Variants in GJA3 observed in about 807,000 individuals in gnomAD.
GJA3 encodes gap junction protein alpha 3.
For synonymous variants in GJA3, 297 were observed against 292.6 expected (o/e 1.02, Z -0.15); for missense variants, 571 against 620.3 (o/e 0.92, Z 0.84).
rs780960383 is a variant in GJA3, at chr13:20,143,239, T to C, written c.50A>G (p.His17Arg). The C allele has an allele frequency of 1.9e-6, 3 of 1,546,556 alleles. No individual in the cohort carries two copies. Among genetic ancestry groups the C allele is most frequent in the Admixed American group, 1.9e-5 (1 of 52,196 alleles). Residue 17 changes from histidine (H) to arginine (R), a missense_variant, in exon 2 of 2, where the codon CAC (histidine) becomes CGC (arginine). Physicochemically the swap from His to Arg is conservative, Grantham distance 29 (BLOSUM62 0). Transcript: ENST00000241125. ...CCAAACCTTGCCGATGACCGTGGAG[T>C]GCTCCTGTGCATTTTCTAAGAGTCT... ...LGRLLENAQE[H>R]STVIGKVWLT... is the part of the protein sequence containing the mutation.
At chr13:20,144,841 C>T (rs1160329427) in intron 1 of GJA3, among the ~76,000 whole-genome samples, 2 of 152,222 alleles carry the variant, frequency 1.3e-5, no homozygotes, top group African/African-American at 4.8e-5. Flanking sequence ...GCTGTGAGGA[C>T]ACAGTCTCCA....
At chr13:20,156,637 A>G (rs897255336) in intron 1 of GJA3, among the ~76,000 whole-genome samples, 19 of 152,224 alleles carry the variant, frequency 1.2e-4, no homozygotes, top group Admixed American at 6.5e-5. Flanking sequence ...TTTAAACTGG[A>G]AGTAATTAAA....
intron 1 of GJA3, among the ~76,000 whole-genome samples, chr13:20,157,414 G>A (rs770320895): frequency 3.3e-5 from 5 of 152,114 alleles, no homozygotes; most frequent in Non-Finnish European, 7.3e-5. Flanking sequence ...ACTCATTATC[G>A]ACAGAAGAAA....
intron 1 of GJA3, among the ~76,000 whole-genome samples, chr13:20,159,423 C>G (rs1958924338): frequency 7.8e-6 from 1 of 127,640 alleles, no homozygotes; most frequent in South Asian, 2.8e-4. Context: ...CACCACTGCA[C>G]TCCAGCCTGG....
chr13:20,156,048 A>G (rs1958905067), intron 1 of GJA3, among the ~76,000 whole-genome samples: 1 of 152,148 alleles, frequency 6.6e-6, no homozygotes, highest in African/African-American at 2.4e-5. Flanking sequence ...ATACATTTTT[A>G]TATTTTAAAT....
At chr13:20,152,566 G>A (rs917660062) in intron 1 of GJA3, among the ~76,000 whole-genome samples, 1 of 151,976 alleles carries the variant, frequency 6.6e-6, no homozygotes, top group Non-Finnish European at 1.5e-5. Flanking sequence ...TGTATTTTTA[G>A]TAGAGACAGG....
At chr13:20,148,167 G>A (rs538133064) in intron 1 of GJA3, among the ~76,000 whole-genome samples, 49 of 152,164 alleles carry the variant, frequency 3.2e-4, no homozygotes, top group Admixed American at 4.6e-4. Context: ...CAGCAGATGC[G>A]GTATCCACCT....
chr13:20,143,199 G>A lies in GJA3; in HGVS notation c.90C>T (p.Phe30=). ...VIGKVWLTVL[F]IFRILVLGAA... ...CCCCCAGCACCAAGATGCGGAAGAT[G>A]AACAGCACGGTCAGCCAAACCTTGC... The change falls in exon 2 of 2, where the codon TTC becomes TTT. Residue 30 remains phenylalanine (F), a synonymous_variant. Transcript: ENST00000241125. 2 of 1,587,654 alleles carry A rather than the reference G, an allele frequency of 1.3e-6. No homozygotes were observed. The highest frequency in any genetic ancestry group is 1.7e-5 in the Admixed American group (1 of 58,916).
At chr13:20,159,733 T>C (rs117630608) in intron 1 of GJA3, among the ~76,000 whole-genome samples, 5,544 of 152,252 alleles carry the variant, frequency 0.036, 210 homozygotes, top group Admixed American at 0.12. Context: ...GTGAATTACT[T>C]TCCACTACAG....
intron 1 of GJA3, among the ~76,000 whole-genome samples, chr13:20,158,892 C>G (rs1958920349): frequency 8.1e-6 from 1 of 123,402 alleles, no homozygotes; most frequent in Non-Finnish European, 1.6e-5. Flanking sequence ...GCACTCCAGC[C>G]TGGACAAGAG....
Position 20,139,310 on chromosome 13 carries a change from AG to A in GJA3, c.*2670del. 6.6e-6 allele frequency: 1 copy of A among 152,290 alleles called. No homozygotes were observed. The highest frequency in any genetic ancestry group is 3.4e-3 in the Middle Eastern group (1 of 294). The allele number at this position is 152,290 out of a possible 1,614,324, so 9.4% of individuals were successfully genotyped here. On this transcript the variant is annotated 3_prime_UTR_variant, in exon 2 of 2. Transcript: ENST00000241125. ...AGGTATAGCATTTGAGTTTTAAAATAGGCTTAGAGATTTTTTAAAACTTTCT... is the reference window on the plus strand; with the variant it reads ...AGGTATAGCATTTGAGTTTTAAAATAGCTTAGAGATTTTTTAAAACTTTCT...
chr13:20,142,380 G>A lies in GJA3; in HGVS notation c.909C>T (p.Thr303=), dbSNP rs1958814399. ...CGGACTGGCCCTTTCCGCGCGCCTCGGTCAGGGCTAGCAGTTTGAAGTCCG... is the reference window on the plus strand; with the variant it reads ...CGGACTGGCCCTTTCCGCGCGCCTCAGTCAGGGCTAGCAGTTTGAAGTCCG... ...PAADFKLLAL[T]EARGKGQSAK... The change falls in exon 2 of 2, where the codon ACC becomes ACT. Residue 303 remains threonine, a synonymous_variant. Transcript: ENST00000241125. 1.3e-6 allele frequency: 2 copies of A among 1,528,220 alleles called. No individual in the cohort carries two copies. The highest frequency in any genetic ancestry group is 1.8e-6 in the Non-Finnish European group (2 of 1,137,656). The allele number at this position is 1,528,220 out of a possible 1,614,324, so 94.7% of individuals were successfully genotyped here.
Position 20,141,462 on chromosome 13 carries a change from A to T in GJA3, c.*519T>A, listed in dbSNP as rs1593332537. ...AATGACACTACATAGACTTGCTGTA[A>T]ATCTTTTTTTAGTGCAGTTTGGCAA... On this transcript the variant is annotated 3_prime_UTR_variant, in exon 2 of 2. Transcript: ENST00000241125. The T allele has an allele frequency of 6.6e-6, 1 of 152,570 alleles. No individual in the cohort carries two copies. The highest frequency in any genetic ancestry group is 1.5e-5 in the Non-Finnish European group (1 of 68,006). 9.5% of individuals were successfully genotyped at this position (152,570 alleles called of 1,614,324 possible).
intron 1 of GJA3, among the ~76,000 whole-genome samples, chr13:20,160,031 T>C (rs570805674): frequency 1.8e-4 from 27 of 152,202 alleles, no homozygotes; most frequent in Non-Finnish European, 2.8e-4. Context: ...ATGGCATGTT[T>C]TGGAGACATC....
chr13:20,152,638 T>C (rs1408303219), intron 1 of GJA3, among the ~76,000 whole-genome samples: 3 of 152,274 alleles, frequency 2.0e-5, no homozygotes, highest in Non-Finnish European at 2.9e-5. Flanking sequence ...CCTGCCTTGG[T>C]CTCCCAAAGT....
Position 20,143,507 on chromosome 13 carries a change from A to G in GJA3, c.-17-202T>C, listed in dbSNP as rs577163350. Among the ~76,000 whole-genome samples, 67 of 152,278 alleles carry G rather than the reference A, an allele frequency of 4.4e-4. 1 individual carries two copies. The South Asian group carries it at 0.012, about 28-fold the overall frequency. The stretch of plus-strand genomic sequence containing the variant: ...GCGTCCATGAGGAACCACAGGTTAA[A>G]CTCTTCATTTCAGAGAGGAGGAAGC... On this transcript the variant is annotated intron_variant, in intron 1 of 1. Coordinates refer to ENST00000241125, the MANE Select transcript of GJA3 (RefSeq NM_021954.4).
rs886050019 is a variant in GJA3, at chr13:20,141,880, C to T, written c.*101G>A. The T allele has an allele frequency of 1.9e-5, 28 of 1,509,378 alleles. No homozygotes were observed. The highest frequency in any genetic ancestry group is 4.2e-5 in the African/African-American group (3 of 71,834). 93.5% of individuals were successfully genotyped at this position (1,509,378 alleles called of 1,614,324 possible). A position where few individuals can be genotyped will look rare whatever the true frequency, so the allele number is the denominator to read the frequency against. The stretch of plus-strand genomic sequence containing the variant: ...CTGGGACTCCAGTCGCTCCCACCTC[C>T]TGGGACTTTCAGGTTCTATCTGCTG... On this transcript the variant is annotated 3_prime_UTR_variant, in exon 2 of 2. Transcript: ENST00000241125.
intron 1 of GJA3, among the ~76,000 whole-genome samples, chr13:20,148,253 CTTTTT>C (rs71074204): frequency 3.3e-5 from 3 of 90,720 alleles, no homozygotes; most frequent in Non-Finnish European, 4.4e-5. Flanking sequence ...TACTATGGTT[CTTTTT>C]TTTTTTTTTT....
At position 20,141,731 on chromosome 13, in the gene GJA3, C is replaced by T. The variant is rs1958807962; in HGVS notation, c.*250G>A. The T allele has an allele frequency of 5.4e-6, 3 of 559,964 alleles. No individual in the cohort carries two copies. The highest frequency in any genetic ancestry group is 9.2e-6 in the Non-Finnish European group (3 of 327,024). The allele number at this position is 559,964 out of a possible 1,614,324, so 34.7% of individuals were successfully genotyped here. On this transcript the variant is annotated 3_prime_UTR_variant, in exon 2 of 2. Coordinates refer to ENST00000241125, the MANE Select transcript of GJA3 (RefSeq NM_021954.4). Reference sequence around the variant, plus strand: ...GGGCTGCTGTGAAGATCTTAAAGGCCCACAACCCTTGTCCCCGCCACCCCC... The same window carrying T: ...GGGCTGCTGTGAAGATCTTAAAGGCTCACAACCCTTGTCCCCGCCACCCCC...
Sources: gnomAD v4.1 joint callset for allele counts (sites outside exome capture counted in the v4.1 genomes callset) on GRCh38, gnomAD v4.1.1 for gene constraint, MANE v1.5 for transcripts, NCBI Gene and HGNC (gene_info 2026-07-23, HGNC 2026-07-21) for gene names.